Variants in EEF1E1 observed in about 807,000 individuals in gnomAD.
The protein encoded by EEF1E1 is eukaryotic translation elongation factor 1 epsilon 1.
A neutral mutation model predicts 19.9 loss-of-function variants in EEF1E1; 19 were observed. The ratio of observed to expected loss-of-function variants is 0.95; its 90% CI spans 0.66 to 1.40. The LOEUF (loss-of-function observed/expected upper bound fraction) is 1.40. Ranked by LOEUF, EEF1E1 falls within the 40% of genes most tolerant of loss-of-function variation. The pLI, the probability that EEF1E1 is intolerant of heterozygous loss-of-function variation, is 0.00. For synonymous variants in EEF1E1, 81 were observed against 80.0 expected (o/e 1.01, Z -0.07); for missense variants, 198 against 202.2 (o/e 0.98, Z 0.13).
intron 3 of EEF1E1, among the ~76,000 whole-genome samples, chr6:8,087,366 C>T (rs6912481): frequency 0.011 from 1,692 of 152,286 alleles, 39 homozygotes; most frequent in African/African-American, 0.038. Flanking sequence ...TTCAGGCATG[C>T]GCCACCACGC....
downstream of EEF1E1, among the ~76,000 whole-genome samples, chr6:8,074,965 G>A (rs1174315184): frequency 2.0e-5 from 3 of 152,160 alleles, no homozygotes; most frequent in South Asian, 2.1e-4. Flanking sequence ...CTGGCCTCCC[G>A]CTCTTTCCTC....
chr6:8,084,768 T>C (rs1757805760), intron 3 of EEF1E1, among the ~76,000 whole-genome samples: 1 of 152,230 alleles, frequency 6.6e-6, no homozygotes, highest in Non-Finnish European at 1.5e-5. Flanking sequence ...ATAGAAATTG[T>C]TCTTGGAGCC....
chr6:8,088,922 A>G (rs1398852802), intron 3 of EEF1E1, among the ~76,000 whole-genome samples: 1 of 150,098 alleles, frequency 6.7e-6, no homozygotes, highest in Non-Finnish European at 1.5e-5. Context: ...GAAGGAAGTA[A>G]AGGTTTGGAA....
chr6:8,092,848 G>C (rs1758050544), intron 2 of EEF1E1, among the ~76,000 whole-genome samples: 1 of 137,714 alleles, frequency 7.3e-6, no homozygotes, highest in Non-Finnish European at 1.6e-5. Context: ...TCCGTGTTTT[G>C]TGTTTTAGTG....
intron 1 of EEF1E1, 112 bp downstream of exon 1, chr6:8,102,323 G>A (rs930105300): frequency 2.6e-5 from 29 of 1,134,842 alleles, no homozygotes; most frequent in Non-Finnish European, 3.4e-5. Flanking sequence ...GGGGAGCTGG[G>A]TAGCAGCATC....
chr6:8,102,035 G>T, intron 1 of EEF1E1: 1 of 1,181,582 alleles, frequency 8.5e-7, no homozygotes, highest in South Asian at 1.6e-5. Flanking sequence ...CTGGCACCCT[G>T]TTAGCTATAA....
At chr6:8,101,689 T>C in intron 1 of EEF1E1, 1 of 1,219,410 alleles carries the variant, frequency 8.2e-7, no homozygotes, top group Non-Finnish European at 1.1e-6. Flanking sequence ...AATTTCCTTC[T>C]CTAATACATT....
chr6:8,079,488 C>A lies in EEF1E1; in HGVS notation c.*402G>T. ...GCTTCCTTGGCACAATTTATCAGTT[C>A]TTAACAAACTACCATAAATATCCAT... is the stretch of plus-strand genomic sequence containing the variant. On this transcript the variant is annotated 3_prime_UTR_variant, in exon 4 of 4. Transcript: ENST00000379715. 1 of 992,766 alleles carries A rather than the reference C, an allele frequency of 1.0e-6. No individual in the cohort carries two copies. Among genetic ancestry groups the A allele is most frequent in the South Asian group, 4.5e-5 (1 of 22,076 alleles). The allele number at this position is 992,766 out of a possible 1,614,324, so 61.5% of individuals were successfully genotyped here. A position where few individuals can be genotyped will look rare whatever the true frequency, so the allele number is the denominator to read the frequency against.
At chr6:8,100,456 A>C (rs914128862) in intron 1 of EEF1E1, among the ~76,000 whole-genome samples, 1 of 152,172 alleles carries the variant, frequency 6.6e-6, no homozygotes, top group Non-Finnish European at 1.5e-5. Flanking sequence ...GCAAAAAGAG[A>C]AGGGCGATAA....
chr6:8,091,765 T>C (rs1194851656), intron 2 of EEF1E1, among the ~76,000 whole-genome samples: 1 of 152,206 alleles, frequency 6.6e-6, no homozygotes. Context: ...TATTATTAAA[T>C]ATTCTTTGAG....
In EEF1E1 at chr6:8,099,793, A is replaced by ACACACACAC. The variant is rs1554099777; in HGVS notation, c.88-2327_88-2326insGTGTGTGTG. On this transcript the variant is annotated intron_variant, in intron 1 of 3. Coordinates refer to ENST00000379715, the MANE Select transcript of EEF1E1 (RefSeq NM_004280.5). ...ACACACACACACACACACACACACA[A>ACACACACAC]AAAAAAAACAGAACCCTCTATAATG... is the stretch of plus-strand genomic sequence containing the variant. 1.3e-3 allele frequency among the ~76,000 whole-genome samples: 154 copies of ACACACACAC among 117,002 alleles called. 2 individuals carry two copies. Among genetic ancestry groups the ACACACACAC allele is most frequent in the Admixed American group, 5.6e-3 (71 of 12,592 alleles). The allele number at this position is 117,002 out of a possible 152,430, so 76.8% of individuals were successfully genotyped here.
intron 3 of EEF1E1, among the ~76,000 whole-genome samples, chr6:8,089,227 T>A (rs1050555560): frequency 6.6e-6 from 1 of 152,028 alleles, no homozygotes; most frequent in African/African-American, 2.4e-5. Flanking sequence ...AGTATACAGA[T>A]TTGGAAAAGA....
At chr6:8,078,775 G>A (rs1213327760), downstream of EEF1E1, 8 of 1,276,628 alleles carry the variant, frequency 6.3e-6, no homozygotes, top group East Asian at 4.6e-4. Flanking sequence ...CTTACTGATT[G>A]CCAAGAGCTA....
At chr6:8,078,463 G>C (rs879193024), downstream of EEF1E1, 63 of 244,554 alleles carry the variant, frequency 2.6e-4, 1 homozygote, top group South Asian at 1.6e-3. Flanking sequence ...TTAACAGAGA[G>C]AGTAATGAAA....
chr6:8,097,522 T>C, intron 1 of EEF1E1, 55 bp from the exon 2 acceptor site: 1 of 1,446,902 alleles, frequency 6.9e-7, no homozygotes, highest in Non-Finnish European at 9.4e-7. Flanking sequence ...ACATCATGAT[T>C]ATAACTTCTA....
At chr6:8,099,804 G>T in intron 1 of EEF1E1, among the ~76,000 whole-genome samples, 1 of 99,544 alleles carries the variant, frequency 1.0e-5, no homozygotes, top group Admixed American at 9.1e-5. Context: ...AAAAAAAACA[G>T]AACCCTCTAT....
At chr6:8,101,837 C>T (rs1201011240) in intron 1 of EEF1E1, 1 of 1,288,880 alleles carries the variant, frequency 7.8e-7, no homozygotes, top group African/African-American at 1.5e-5. Context: ...GAAACGCCTT[C>T]CCCGAATCCC....
chr6:8,094,084 C>G (rs1758098956), intron 2 of EEF1E1, among the ~76,000 whole-genome samples: 2 of 152,050 alleles, frequency 1.3e-5, no homozygotes, highest in African/African-American at 4.8e-5. Flanking sequence ...CAGGCGTGAG[C>G]CACCGCATGC....
chr6:8,098,672 T>G (rs1581476087), intron 1 of EEF1E1, among the ~76,000 whole-genome samples: 1 of 152,326 alleles, frequency 6.6e-6, no homozygotes, highest in South Asian at 2.1e-4. Flanking sequence ...ATAAATTAAA[T>G]GTATTGAAAG....
Sources: gnomAD v4.1 joint callset for allele counts (sites outside exome capture counted in the v4.1 genomes callset) on GRCh38, gnomAD v4.1.1 for gene constraint, MANE v1.5 for transcripts, NCBI Gene and HGNC (gene_info 2026-07-23, HGNC 2026-07-21) for gene names.